Variants in MED23 observed in about 807,000 individuals in gnomAD.
The protein encoded by MED23 is mediator complex subunit 23.
A neutral mutation model predicts 163.9 loss-of-function variants in MED23; 105 were observed. That is an observed-to-expected ratio of 0.64 (90% CI 0.55 to 0.75). The LOEUF is 0.75. Ranked by LOEUF, MED23 falls within the 30% of genes least tolerant of loss-of-function variation. MED23 has a pLI of 0.00. For synonymous variants in MED23, 561 were observed against 565.6 expected, an observed-to-expected ratio of 0.99 and a Z score of 0.12; for missense variants, 1,054 against 1,649.0, an observed-to-expected ratio of 0.64 and a Z score of 6.25.
chr6:131,605,410 G>A lies in MED23; in HGVS notation c.1443C>T (p.Tyr481=). Residue 481 remains tyrosine (Y), a synonymous_variant, in exon 14 of 29, where the codon TAC becomes TAT. Coordinates refer to ENST00000368068, the MANE Select transcript of MED23 (RefSeq NM_004830.4). ...DYKIALLCNA[Y]STNSECFTLP... Reference sequence around the variant, plus strand: ...ATGTAAAACATTCTGAATTTGTAGAGTATGCATTACACAATAGAGCAATCT... The same window carrying A: ...ATGTAAAACATTCTGAATTTGTAGAATATGCATTACACAATAGAGCAATCT... The A allele has an allele frequency of 1.9e-6, 3 of 1,612,392 alleles. No individual in the cohort carries two copies. The highest frequency in any genetic ancestry group is 2.5e-6 in the Non-Finnish European group (3 of 1,178,794).
intron 9 of MED23, among the ~76,000 whole-genome samples, chr6:131,617,802 G>T (rs759016544): frequency 1.3e-5 from 2 of 152,086 alleles, no homozygotes; most frequent in Non-Finnish European, 2.9e-5. Flanking sequence ...TAGAGGGACT[G>T]GTGCCCCTTA....
At chr6:131,583,268 C>CTTTTTATAAAACAAGTTAACAGATTA, downstream of MED23, 1 of 1,607,246 alleles carries the variant, frequency 6.2e-7, no homozygotes, top group Non-Finnish European at 8.5e-7. Flanking sequence ...TGGGTTGCTA[C>CTTTTTATAAAACAAGTTAACAGATTA]TTTTTATAAA....
chr6:131,620,477 T>G lies in MED23; in HGVS notation c.597+151A>C, dbSNP rs1457291632. Reference sequence around the variant, plus strand: ...ATATGTGTGCGTGTGTTTTTTAATGTTTTGCAGAGACAGAGTCTTGTTATG... The same window carrying G: ...ATATGTGTGCGTGTGTTTTTTAATGGTTTGCAGAGACAGAGTCTTGTTATG... On this transcript the variant is annotated intron_variant, in intron 7 of 28. Coordinates refer to ENST00000368068, the MANE Select transcript of MED23 (RefSeq NM_004830.4). 6.1e-6 allele frequency: 4 copies of G among 651,690 alleles called. No individual in the cohort carries two copies. In the South Asian group the frequency reaches 7.2e-5, roughly 12 times the overall value. 40.4% of individuals were successfully genotyped at this position (651,690 alleles called of 1,614,324 possible).
At chr6:131,584,300 A>AT (rs1178561779), downstream of MED23, 13 of 198,712 alleles carry the variant, frequency 6.5e-5, no homozygotes, top group African/African-American at 1.7e-4. Context: ...AAAAAATGTG[A>AT]TTTTTTATAA....
rs1774508424 is a variant in MED23, at chr6:131,590,355, T to C, written c.3774A>G (p.Arg1258=). The change falls in exon 27 of 29, where the codon AGA becomes AGG. Residue 1258 remains arginine, a synonymous_variant. Transcript: ENST00000368068. ...VYHLVGPFLQ[R]FQQERTRCMI... ...TACAACGAGTTCTCTCTTGCTGAAA[T>C]CTTTGTAAAAATGGTCCAACAAGAT... is the stretch of plus-strand genomic sequence containing the variant. The C allele has an allele frequency of 6.2e-7, 1 of 1,612,792 alleles. No homozygotes were observed. The highest frequency in any genetic ancestry group is 8.5e-7 in the Non-Finnish European group (1 of 1,179,002).
At chr6:131,619,296 CCA>C (rs1411379706) in intron 8 of MED23, among the ~76,000 whole-genome samples, 1 of 152,136 alleles carries the variant, frequency 6.6e-6, no homozygotes, top group Admixed American at 6.6e-5. Flanking sequence ...GTCTATATTT[CCA>C]CACAGTTGAG....
At chr6:131,576,650 T>C in intron 30 of MED23, 1 of 1,612,618 alleles carries the variant, frequency 6.2e-7, no homozygotes, top group Non-Finnish European at 8.5e-7. Context: ...TACTTTATTT[T>C]TTAATTGTTC....
chr6:131,614,240 TTAAAATAA>T (rs1776486260), intron 10 of MED23, among the ~76,000 whole-genome samples: 1 of 152,120 alleles, frequency 6.6e-6, no homozygotes, highest in Non-Finnish European at 1.5e-5. Context: ...AAGAAAAAAC[TTAAAATAA>T]TAAAAGAGAT....
chr6:131,614,502 A>G (rs941505504), intron 10 of MED23, among the ~76,000 whole-genome samples: 1 of 152,210 alleles, frequency 6.6e-6, no homozygotes, highest in Non-Finnish European at 1.5e-5. Context: ...TGGAACCACT[A>G]TTTTGTTTAA....
chr6:131,604,693 G>T (rs1775728085), intron 14 of MED23, among the ~76,000 whole-genome samples: 1 of 152,192 alleles, frequency 6.6e-6, no homozygotes, highest in Admixed American at 6.5e-5. Flanking sequence ...AGACCCAAAT[G>T]TTACGTTCTA....
In MED23 at chr6:131,598,714, C is replaced by G. The variant is rs376488170; in HGVS notation, c.2268G>C (p.Leu756=). The G allele has an allele frequency of 3.0e-5, 48 of 1,613,778 alleles. No individual in the cohort carries two copies. The highest frequency in any genetic ancestry group is 4.0e-5 in the Non-Finnish European group (47 of 1,179,918). The change falls in exon 19 of 29, where the codon CTG becomes CTC. Residue 756 remains leucine, a synonymous_variant. Transcript: ENST00000368068. This position sits in a 1 kb window ranked among gnomAD's most constrained non-coding sequence, Gnocchi z 4.7. The stretch of plus-strand genomic sequence containing the variant: ...TATACTCCTCCTCCACATTTTTTTT[C>G]AGATTAAAACGGCTTTCCTGAGGCA... ...NNVPQESRFN[L]KKNVEEEYRK...
chr6:131,582,279 G>C (rs1455509180), downstream of MED23, among the ~76,000 whole-genome samples: 1 of 152,102 alleles, frequency 6.6e-6, no homozygotes, highest in Non-Finnish European at 1.5e-5. Context: ...AGCTGCTCTA[G>C]GCCATCCTCT....
At chr6:131,581,783 G>A (rs373436196), downstream of MED23, among the ~76,000 whole-genome samples, 6 of 152,180 alleles carry the variant, frequency 3.9e-5, no homozygotes, top group East Asian at 1.2e-3. Flanking sequence ...TTACTGAGTA[G>A]TCCTTCTATA....
chr6:131,613,290 C>T (rs1776410428), intron 10 of MED23, among the ~76,000 whole-genome samples: 1 of 152,072 alleles, frequency 6.6e-6, no homozygotes, highest in Non-Finnish European at 1.5e-5. Context: ...AAGATTTTTC[C>T]ATTGTGAGTT....
chr6:131,622,404 A>C (rs1777176551), intron 5 of MED23, among the ~76,000 whole-genome samples: 1 of 152,200 alleles, frequency 6.6e-6, no homozygotes, highest in Admixed American at 6.5e-5. Flanking sequence ...TATAGGTGTA[A>C]GCCACTGTGA....
chr6:131,609,764 A>T (rs545429965), intron 11 of MED23, among the ~76,000 whole-genome samples: 3 of 148,478 alleles, frequency 2.0e-5, no homozygotes, highest in Non-Finnish European at 4.5e-5. Flanking sequence ...ATATATATAA[A>T]GTATCCCCTC....
chr6:131,627,986 C>CT (rs767276757), intron 1 of MED23, 25 bp downstream of exon 1: 2 of 1,613,914 alleles, frequency 1.2e-6, no homozygotes, highest in Non-Finnish European at 1.7e-6. Flanking sequence ...AGCCGTAGTC[C>CT]TGGATGGCCG....
chr6:131,619,719 A>G lies in MED23; in HGVS notation c.667+108T>C, dbSNP rs1562402593. 54 of 845,552 alleles carry G rather than the reference A, an allele frequency of 6.4e-5. No individual in the cohort carries two copies. In the East Asian group the frequency reaches 1.2e-3, roughly 19 times the overall value. 52.4% of individuals were successfully genotyped at this position (845,552 alleles called of 1,614,324 possible). ...ATTAAGCTCTTAGAGAGTCACCAAA[A>G]TGACAAGCCACCAAGGCACATATTA... On this transcript the variant is annotated intron_variant, in intron 8 of 28. Coordinates refer to ENST00000368068, the MANE Select transcript of MED23 (RefSeq NM_004830.4).
At chr6:131,579,055 CA>C in intron 30 of MED23, 1 of 1,584,408 alleles carries the variant, frequency 6.3e-7, no homozygotes, top group Non-Finnish European at 8.7e-7. Context: ...TCATCCTACA[CA>C]GACTGATTTA....
Sources: allele counts gnomAD v4.1 joint callset (sites outside exome capture counted in the v4.1 genomes callset), GRCh38; gene constraint gnomAD v4.1.1; non-coding constraint Gnocchi (gnomAD v3.1); transcripts MANE v1.5; gene names NCBI Gene and HGNC (gene_info 2026-07-23, HGNC 2026-07-21).